The following LAMA3 variants were observed in gnomAD, a reference collection of about 807,000 sequenced individuals.
LAMA3 encodes laminin subunit alpha-3.
A neutral mutation model predicts 402.0 loss-of-function variants in LAMA3; 281 were observed. The ratio of observed to expected loss-of-function variants is 0.70; its 90% confidence interval spans 0.63 to 0.77. The LOEUF is 0.77. Among genes scored for constraint, LAMA3 ranks in the 30% least tolerant of loss-of-function variants. LAMA3 has a pLI of 0.00. For synonymous variants in LAMA3, 1,431 were observed against 1,558.4 expected (o/e 0.92, Z 1.93); for missense variants, 3,840 against 4,215.5 (o/e 0.91, Z 2.47).
chr18:23,951,160 G>A (rs2082894039), intron 72 of LAMA3, among the ~76,000 whole-genome samples: 1 of 152,180 alleles, frequency 6.6e-6, no homozygotes, highest in African/African-American at 2.4e-5. Flanking sequence ...CAGGAATGTG[G>A]GATTCTGCAC....
chr18:23,747,582 C>T (rs1467428035), intron 2 of LAMA3, among the ~76,000 whole-genome samples: 13 of 152,006 alleles, frequency 8.6e-5, no homozygotes, highest in Non-Finnish European at 4.4e-5. Flanking sequence ...GGTTCTTGGC[C>T]CTGGGAGGGT....
chr18:23,715,185 A>G (rs2061074664), intron 2 of LAMA3, among the ~76,000 whole-genome samples: 1 of 152,066 alleles, frequency 6.6e-6, no homozygotes, highest in African/African-American at 2.4e-5. Context: ...ATTGATGATG[A>G]TGATGGTTGG....
intron 12 of LAMA3, among the ~76,000 whole-genome samples, chr18:23,790,647 A>G (rs1479419625): frequency 2.0e-5 from 3 of 152,180 alleles, no homozygotes; most frequent in Non-Finnish European, 4.4e-5. Flanking sequence ...GAAGTCATAG[A>G]ACATTTGGGT....
chr18:23,714,150 T>C, intron 2 of LAMA3, 78 bp downstream of exon 2: 1 of 1,326,890 alleles, frequency 7.5e-7, no homozygotes, highest in East Asian at 2.4e-5. Context: ...ATAATAATTA[T>C]TGTAAAAAAA....
chr18:23,951,609 G>C (rs1187547179), intron 72 of LAMA3, 75 bp from the exon 73 acceptor site: 1 of 1,176,654 alleles, frequency 8.5e-7, no homozygotes, highest in African/African-American at 1.5e-5. Context: ...CCCGGTTTGG[G>C]GAGGGAAGAT....
chr18:23,887,479 G>A (rs1430225590), intron 41 of LAMA3, among the ~76,000 whole-genome samples: 1 of 152,282 alleles, frequency 6.6e-6, no homozygotes, highest in South Asian at 2.1e-4. Context: ...TTAATTAACA[G>A]TACTTCTCTC....
At chr18:23,767,928 A>G (rs1261479017) in intron 8 of LAMA3, among the ~76,000 whole-genome samples, 11 of 152,284 alleles carry the variant, frequency 7.2e-5, no homozygotes, top group African/African-American at 2.4e-4. Flanking sequence ...CTCCATGTGC[A>G]GAAAAATGAA....
At chr18:23,915,260 T>C (rs758884789) in intron 58 of LAMA3, 29 bp from the exon 59 acceptor site, 1 of 1,610,794 alleles carries the variant, frequency 6.2e-7, no homozygotes, top group African/African-American at 1.3e-5. Flanking sequence ...TTTGTTCAAT[T>C]GGTGGAAGAT....
chr18:23,807,780 C>G (rs755214230), intron 12 of LAMA3, among the ~76,000 whole-genome samples: 3 of 152,154 alleles, frequency 2.0e-5, no homozygotes, highest in Non-Finnish European at 2.9e-5. Context: ...AAATGTTACT[C>G]TCATCTAAAA....
chr18:23,933,734 C>T (rs760008592), intron 66 of LAMA3, 48 bp from the exon 67 acceptor site: 9 of 1,605,158 alleles, frequency 5.6e-6, no homozygotes, highest in African/African-American at 4.0e-5. Flanking sequence ...GGGTCTTCCT[C>T]GACATGTCCA....
chr18:23,932,138 A>T (rs376769499), intron 65 of LAMA3, 22 bp from the exon 66 acceptor site: 18 of 1,613,400 alleles, frequency 1.1e-5, no homozygotes, highest in Non-Finnish European at 1.4e-5. Context: ...CTCACCCATG[A>T]TTTGCTTTTC....
rs567666605 is a variant in LAMA3, at chr18:23,831,163, C to T, written c.2824-2665C>T. Among the ~76,000 whole-genome samples, 16 of 152,316 alleles carry T rather than the reference C, an allele frequency of 1.1e-4. No individual in the cohort carries two copies. The South Asian group carries it at 1.7e-3, about 16-fold the overall frequency. On this transcript the variant is annotated intron_variant, in intron 23 of 74. Coordinates refer to ENST00000313654, the MANE Select transcript of LAMA3 (RefSeq NM_198129.4). Reference sequence around the variant, plus strand: ...AGAAGCCTCCTAACTAGCTGACCCACGTCTGCTCTGCCCATTGCACCTCTT... The same window carrying T: ...AGAAGCCTCCTAACTAGCTGACCCATGTCTGCTCTGCCCATTGCACCTCTT...
Position 23,905,248 on chromosome 18 carries a change from G to A in LAMA3, c.6616-274G>A, listed in dbSNP as rs187121475. Among the ~76,000 whole-genome samples the A allele has an allele frequency of 2.7e-3, 413 of 152,196 alleles. 8 individuals are homozygous for A. The highest frequency in any genetic ancestry group is 0.025 in the Admixed American group (379 of 15,296). ...AGTTCTCTCCTCTGTTATTGTAGAG[G>A]TTTTTGTACGAATGACAGTGAGCAG... On this transcript the variant is annotated intron_variant, in intron 51 of 74. Coordinates refer to ENST00000313654, the MANE Select transcript of LAMA3 (RefSeq NM_198129.4).
chr18:23,703,387 C>T lies in LAMA3; in HGVS notation c.295-10533C>T, dbSNP rs149877496. Among the ~76,000 whole-genome samples the T allele has an allele frequency of 9.5e-4, 144 of 152,248 alleles. 1 individual carries two copies. In the South Asian group the frequency reaches 0.012, roughly 13 times the overall value. On this transcript the variant is annotated intron_variant, in intron 1 of 74. Transcript: ENST00000313654. ...AAGGGAGTCTACATAATTCAACTAA[C>T]GTTCCATAGCTGTGACTGGTAGCCA...
chr18:23,904,662 A>G lies in LAMA3; in HGVS notation c.6583A>G (p.Arg2195Gly). 6.2e-7 allele frequency: 1 copy of G among 1,614,058 alleles called. No individual in the cohort carries two copies. Among genetic ancestry groups the G allele is most frequent in the Non-Finnish European group, 8.5e-7 (1 of 1,180,000 alleles). ...AIKAAEDAAN[R>G]AASASESALQ... Reference sequence around the variant, plus strand: ...CAAAGCGGCCGAGGACGCAGCCAACAGGGCTGCCAGTGCATCTGAATCTGC... The same window carrying G: ...CAAAGCGGCCGAGGACGCAGCCAACGGGGCTGCCAGTGCATCTGAATCTGC... Residue 2195 changes from arginine to glycine, a missense_variant, in exon 51 of 75, where the codon AGG becomes GGG. Transcript: ENST00000313654.
At chr18:23,880,993 A>G (rs368769921) in intron 39 of LAMA3, among the ~76,000 whole-genome samples, 1 of 152,002 alleles carries the variant, frequency 6.6e-6, no homozygotes, top group Non-Finnish European at 1.5e-5. Context: ...TTAAAATTAT[A>G]CTTATTCCAG....
rs202033722 is a variant in LAMA3, at chr18:23,833,873, G to A, written c.2869G>A (p.Val957Met). ...RLRIPQVGHYVVVVEYSTEAA... is the reference protein window; with the variant it reads ...RLRIPQVGHYMVVVEYSTEAA... ...GCGCATCCCACAGGTTGGCCACTACGTGGTTGTGGTCGAGTATTCCACGGA... is the reference window on the plus strand; with the variant it reads ...GCGCATCCCACAGGTTGGCCACTACATGGTTGTGGTCGAGTATTCCACGGA... Residue 957 changes from valine (V) to methionine (M), a missense_variant, in exon 24 of 75, where the codon GTG (valine) becomes ATG (methionine). By Grantham distance (21) the Val-to-Met change is conservative. Transcript: ENST00000313654. 89 of 1,613,910 alleles carry A rather than the reference G, an allele frequency of 5.5e-5. 1 individual carries two copies. The highest frequency in any genetic ancestry group is 1.2e-4 in the South Asian group (11 of 91,072).
chr18:23,794,654 A>G (rs1191928721), intron 12 of LAMA3, among the ~76,000 whole-genome samples: 1 of 152,110 alleles, frequency 6.6e-6, no homozygotes, highest in East Asian at 1.9e-4. Context: ...CAACTCCTAG[A>G]GTTTTCATCT....
In LAMA3 at chr18:23,914,523, G is replaced by T. The variant is rs2081543791; in HGVS notation, c.7443G>T (p.Glu2481Asp). 1 of 1,614,184 alleles carries T rather than the reference G, an allele frequency of 6.2e-7. No individual in the cohort carries two copies. Among genetic ancestry groups the T allele is most frequent in the Non-Finnish European group, 8.5e-7 (1 of 1,180,030 alleles). The change falls in exon 57 of 75, where the codon GAG becomes GAT. Residue 2481 changes from glutamate to aspartate, a missense_variant. Physicochemically the swap from Glu to Asp is conservative, Grantham distance 45. Around this residue, in one of 3 missense-constraint regions of LAMA3, gnomAD observed 891 missense variants for 857.5 expected, o/e 1.04. Coordinates refer to ENST00000313654, the MANE Select transcript of LAMA3 (RefSeq NM_198129.4). Reference sequence around the variant, plus strand: ...TGGACCAGATCTTGACCAAGAGTGAGACTAAGGAGGCAGTTATGGATCGGG... The same window carrying T: ...TGGACCAGATCTTGACCAAGAGTGATACTAAGGAGGCAGTTATGGATCGGG... The part of the protein sequence containing the change: ...LQVDQILTKS[E>D]TKEAVMDRVK...
Sources: gnomAD v4.1 joint callset for allele counts (sites outside exome capture counted in the v4.1 genomes callset) on GRCh38, gnomAD v4.1.1 for gene constraint, gnomAD v4.1.1 regional missense constraint, MANE v1.5 for transcripts, NCBI Gene and HGNC (gene_info 2026-07-23, HGNC 2026-07-21) for gene names.